BRD1: variants seen among roughly 807,000 people sequenced by gnomAD.
BRD1 encodes bromodomain-containing protein 1.
In BRD1, 24 loss-of-function variants were observed where a neutral mutation model predicts 107.7. That is an observed-to-expected ratio of 0.22 (90% CI 0.16 to 0.31). The LOEUF (loss-of-function observed/expected upper bound fraction) is 0.31. Among genes scored for constraint, BRD1 ranks in the 10% least tolerant of loss-of-function variants. The pLI is 1.00. For synonymous variants in BRD1, 744 were observed against 686.1 expected, an observed-to-expected ratio of 1.08 and a Z score of -1.32; for missense variants, 1,279 against 1,638.6, an observed-to-expected ratio of 0.78 and a Z score of 3.79.
intron 11 of BRD1, 106 bp from the exon 12 acceptor site, chr22:49,775,851 T>G: frequency 5.1e-6 from 5 of 983,608 alleles, no homozygotes; most frequent in Non-Finnish European, 6.4e-6. Flanking sequence ...TGTGTGAGCC[T>G]CCTCAGACCA....
At position 49,824,230 on chromosome 22, in the gene BRD1, T is replaced by C. The variant is rs1401891338; in HGVS notation, c.88A>G (p.Thr30Ala). 4 of 1,613,896 alleles carry C rather than the reference T, an allele frequency of 2.5e-6. No homozygotes were observed. The highest frequency in any genetic ancestry group is 2.7e-5 in the African/African-American group (2 of 74,924). The change falls in exon 2 of 13, where the codon ACG becomes GCG. Residue 30 changes from threonine to alanine, a missense_variant. Around this residue, in one of 7 missense-constraint regions of BRD1, gnomAD observed 223 missense variants for 263.5 expected, o/e 0.85. Coordinates refer to ENST00000404760, the MANE Select transcript of BRD1 (RefSeq NM_001304808.3). The surrounding 1 kb of genome is among the most constrained non-coding windows in gnomAD (Gnocchi z 5.9). ...CSVKHSPTRE[T>A]LTYAQAQRMV... ...CTTTGAGCTTGAGCGTAGGTCAGCGTTTCTCGCGTAGGGGAGTGTTTAACA... is the reference window on the plus strand; with the variant it reads ...CTTTGAGCTTGAGCGTAGGTCAGCGCTTCTCGCGTAGGGGAGTGTTTAACA...
Position 49,823,240 on chromosome 22 carries a change from G to A in BRD1, c.1078C>T (p.Leu360=), listed in dbSNP as rs771484953. 6.2e-7 allele frequency: 1 copy of A among 1,614,194 alleles called. No individual in the cohort carries two copies. The highest frequency in any genetic ancestry group is 8.5e-7 in the Non-Finnish European group (1 of 1,180,030). ...TTCACGGGCTCCATTTTCATGTACA[G>A]GCCAGCCTTCTGGGCACACGTCACA... The part of the protein sequence containing the change: ...FHVTCAQKAG[L]YMKMEPVKEL... Residue 360 remains leucine, a synonymous_variant, in exon 2 of 13, where the codon CTG becomes TTG. Transcript: ENST00000404760.
intron 2 of BRD1, among the ~76,000 whole-genome samples, chr22:49,815,517 T>C (rs1283536148): frequency 6.6e-6 from 1 of 150,888 alleles, no homozygotes; most frequent in Non-Finnish European, 1.5e-5. Context: ...CACTCCAGCC[T>C]GGGCGACACA....
At chr22:49,812,167 G>A (rs903617940) in intron 2 of BRD1, among the ~76,000 whole-genome samples, 3 of 146,592 alleles carry the variant, frequency 2.0e-5, no homozygotes, top group African/African-American at 7.6e-5. Flanking sequence ...GCAATGGCGC[G>A]ATCTCGGCTC....
chr22:49,778,228 G>C (rs2059138027), intron 8 of BRD1, among the ~76,000 whole-genome samples: 1 of 152,220 alleles, frequency 6.6e-6, no homozygotes, highest in African/African-American at 2.4e-5. Flanking sequence ...ACTTCACCAG[G>C]CCGAAGGGGC....
chr22:49,799,342 G>A (rs1487208879), intron 3 of BRD1, among the ~76,000 whole-genome samples: 2 of 152,242 alleles, frequency 1.3e-5, no homozygotes, highest in Non-Finnish European at 2.9e-5. Context: ...GGGACCGCCA[G>A]GCCAAGGTGA....
intron 2 of BRD1, among the ~76,000 whole-genome samples, chr22:49,816,366 T>C (rs952444793): frequency 6.6e-6 from 1 of 151,494 alleles, no homozygotes; most frequent in Non-Finnish European, 1.5e-5. Context: ...AAACAAAACC[T>C]CTGCAGGTAC....
In BRD1 at chr22:49,775,645, G is replaced by A; in HGVS notation, c.3332C>T (p.Thr1111Ile). ...GAGGAACAGCTTCTCATCAGACTTG[G>A]TCTGCATGTGCTCCCCAATCTTCAG... is the stretch of plus-strand genomic sequence containing the variant. ...DVLKIGEHMQ[T>I]KSDEKLFLVL... is the part of the protein sequence containing the mutation. Residue 1111 changes from threonine (T) to isoleucine (I), a missense_variant, in exon 12 of 13, where the codon ACC becomes ATC. By Grantham distance (89) the Thr-to-Ile change is moderately conservative. This residue lies in a region of BRD1 where 136 missense variants were observed against 196.8 expected (regional missense o/e 0.69). Transcript: ENST00000404760. 1 of 1,613,722 alleles carries A rather than the reference G, an allele frequency of 6.2e-7. No individual in the cohort carries two copies. Among genetic ancestry groups the A allele is most frequent in the South Asian group, 1.1e-5 (1 of 91,030 alleles).
At position 49,783,076 on chromosome 22, in the gene BRD1, G is replaced by A. The variant is rs1186541276; in HGVS notation, c.2857+4314C>T. On this transcript the variant is annotated intron_variant, in intron 8 of 12. Coordinates refer to ENST00000404760, the MANE Select transcript of BRD1 (RefSeq NM_001304808.3). This position sits in a 1 kb window ranked among gnomAD's most constrained non-coding sequence, Gnocchi z 4.2. Reference sequence around the variant, plus strand: ...CGCTCCGTGACAATGCAGCTGGGATGGTCAGAGACAGAACCAAGGCCCAGG... The same window carrying A: ...CGCTCCGTGACAATGCAGCTGGGATAGTCAGAGACAGAACCAAGGCCCAGG... 2.0e-5 allele frequency among the ~76,000 whole-genome samples: 3 copies of A among 151,504 alleles called. No homozygotes were observed. The highest frequency in any genetic ancestry group is 2.9e-5 in the Non-Finnish European group (2 of 67,936).
chr22:49,799,576 G>A (rs547991320), intron 3 of BRD1, among the ~76,000 whole-genome samples: 1 of 152,366 alleles, frequency 6.6e-6, no homozygotes, highest in East Asian at 1.9e-4. Flanking sequence ...GCCCATCCTG[G>A]CTTGGACAGA....
At chr22:49,809,927 G>C (rs1288773734) in intron 2 of BRD1, among the ~76,000 whole-genome samples, 1 of 152,084 alleles carries the variant, frequency 6.6e-6, no homozygotes, top group Admixed American at 6.6e-5. Flanking sequence ...GACCCAACAA[G>C]CTCATAGAGA....
chr22:49,808,104 C>T lies in BRD1; in HGVS notation c.1368-3744G>A, dbSNP rs75914081. Among the ~76,000 whole-genome samples, 341 of 152,284 alleles carry T rather than the reference C, an allele frequency of 2.2e-3. 2 individuals are homozygous for T. The East Asian group carries it at 0.033, about 15-fold the overall frequency. ...CGGCAAGAACGTAAAAAGGTGTAGC[C>T]GCTGTGGAAAACAGTGTTGTGGCTC... On this transcript the variant is annotated intron_variant, in intron 2 of 12. Transcript: ENST00000404760.
intron 2 of BRD1, among the ~76,000 whole-genome samples, chr22:49,815,521 C>A (rs768886775): frequency 1.3e-5 from 2 of 150,674 alleles, no homozygotes; most frequent in African/African-American, 4.9e-5. Context: ...CCAGCCTGGG[C>A]GACACAGCAA....
Position 49,824,812 on chromosome 22 carries a change from C to T in BRD1, c.-14-481G>A. On this transcript the variant is annotated intron_variant, in intron 1 of 12. Transcript: ENST00000404760. This position sits in a 1 kb window ranked among gnomAD's most constrained non-coding sequence, Gnocchi z 5.9. ...TACCTGGTCCTATCGGATGCTCCCC[C>T]TAAACCACTCTTCCCCTCCCCACTA... 2.0e-6 allele frequency: 2 copies of T among 1,009,332 alleles called. No homozygotes were observed. Among genetic ancestry groups the T allele is most frequent in the South Asian group, 4.1e-5 (1 of 24,326 alleles). The allele number at this position is 1,009,332 out of a possible 1,614,324, so 62.5% of individuals were successfully genotyped here. A position where few individuals can be genotyped will look rare whatever the true frequency, so the allele number is the denominator to read the frequency against.
At position 49,819,867 on chromosome 22, in the gene BRD1, C is replaced by T. The variant is rs568460265; in HGVS notation, c.1367+3084G>A. Among the ~76,000 whole-genome samples the T allele has an allele frequency of 1.3e-3, 198 of 152,160 alleles. 2 individuals are homozygous for T. The highest frequency in any genetic ancestry group is 3.4e-3 in the Middle Eastern group (1 of 294). ...TCTTTTAGCCTGGCGCAGTGGCTCA[C>T]GCCTGTAATCCCAGCACTTTGGGAG... On this transcript the variant is annotated intron_variant, in intron 2 of 12. Coordinates refer to ENST00000404760, the MANE Select transcript of BRD1 (RefSeq NM_001304808.3).
chr22:49,787,337 G>C, intron 8 of BRD1, 53 bp downstream of exon 8: 1 of 1,322,132 alleles, frequency 7.6e-7, no homozygotes. Flanking sequence ...CCTGAAGGAC[G>C]CTCCAGGCAC....
At chr22:49,800,171 G>A (rs1012080126) in intron 3 of BRD1, among the ~76,000 whole-genome samples, 1 of 152,162 alleles carries the variant, frequency 6.6e-6, no homozygotes, top group African/African-American at 2.4e-5. Flanking sequence ...AGGGTGTGAA[G>A]GCAAAGACTG....
chr22:49,787,600 C>T lies in BRD1; in HGVS notation c.2647G>A (p.Val883Ile). 5.1e-6 allele frequency: 8 copies of T among 1,555,478 alleles called. No homozygotes were observed. Among genetic ancestry groups the T allele is most frequent in the Non-Finnish European group, 6.1e-6 (7 of 1,149,170 alleles). The stretch of plus-strand genomic sequence containing the variant: ...ACACTTTTCGATTTGCAGAAGAGAA[C>T]AGAAGTGCGTCTGTTTACATCGCTT... ...PASDVNRRTSVLFCKSKSVSP... is the reference protein window; with the variant it reads ...PASDVNRRTSILFCKSKSVSP... The change falls in exon 8 of 13, where the codon GTT becomes ATT. Residue 883 changes from valine (V) to isoleucine (I), a missense_variant. Val to Ile is a conservative substitution (Grantham distance 29, BLOSUM62 3). This residue lies in a region of BRD1 where 263 missense variants were observed against 251.6 expected (regional missense o/e 1.05). Transcript: ENST00000404760.
At position 49,774,232 on chromosome 22, in the gene BRD1, G is replaced by A. The variant is rs767923995; in HGVS notation, c.*1C>T. 20 of 1,611,556 alleles carry A rather than the reference G, an allele frequency of 1.2e-5. No individual in the cohort carries two copies. The highest frequency in any genetic ancestry group is 3.3e-4 in the Middle Eastern group (2 of 6,024). On this transcript the variant is annotated 3_prime_UTR_variant, in exon 13 of 13. Coordinates refer to ENST00000404760, the MANE Select transcript of BRD1 (RefSeq NM_001304808.3). ...CAAGACCCGCGCTGGCGGCCGGGCC[G>A]TCAGTCAATGTCACTGAGGTCGCTG...
Sources: gnomAD v4.1 joint callset for allele counts (sites outside exome capture counted in the v4.1 genomes callset) on GRCh38, gnomAD v4.1.1 for gene constraint, gnomAD v4.1.1 regional missense constraint, Gnocchi (gnomAD v3.1) non-coding constraint, MANE v1.5 for transcripts, NCBI Gene and HGNC (gene_info 2026-07-23, HGNC 2026-07-21) for gene names.